The following NAALADL2 variants were observed in gnomAD, a reference collection of about 807,000 sequenced individuals.
NAALADL2 encodes N-acetylated alpha-linked acidic dipeptidase like 2, also known as inactive N-acetylated-alpha-linked acidic dipeptidase-like protein 2.
NAALADL2 carries 76 observed loss-of-function variants against 87.2 expected under a neutral mutation model. The observed-to-expected ratio is 0.87, with a 90% confidence interval of 0.72 to 1.05. The LOEUF is 1.05. NAALADL2 is among the 50% of genes least tolerant of loss of function. The pLI is 0.00. For synonymous variants in NAALADL2, 354 were observed against 331.0 expected (o/e 1.07, Z -0.75); for missense variants, 1,089 against 945.8 (o/e 1.15, Z -1.99).
intron 4 of NAALADL2, among the ~76,000 whole-genome samples, chr3:175,282,358 C>T (rs1183834121): frequency 6.6e-6 from 1 of 152,024 alleles, no homozygotes; most frequent in Non-Finnish European, 1.5e-5. Context: ...CTTTAAAGAA[C>T]ACTTAACAGA....
At chr3:174,711,802 TTTTG>T (rs761144795) in intron 2 of NAALADL2, among the ~76,000 whole-genome samples, 2 of 152,148 alleles carry the variant, frequency 1.3e-5, no homozygotes. Context: ...ACATATGAAT[TTTTG>T]TTTGTTTGTT....
chr3:175,552,371 G>C (rs1714556439), intron 9 of NAALADL2, among the ~76,000 whole-genome samples: 1 of 152,094 alleles, frequency 6.6e-6, no homozygotes, highest in South Asian at 2.1e-4. Context: ...AGAAAATAGA[G>C]TATTAAATTT....
At chr3:175,319,713 G>A (rs1413587137) in intron 4 of NAALADL2, among the ~76,000 whole-genome samples, 2 of 152,128 alleles carry the variant, frequency 1.3e-5, no homozygotes, top group African/African-American at 4.8e-5. Flanking sequence ...CCAGCTACTT[G>A]GGAGACTGAG....
rs1321877357 is a variant in NAALADL2, at chr3:175,013,062, CAT to C, written c.44-83720_44-83719del. 1.1e-3 allele frequency among the ~76,000 whole-genome samples: 11 copies of C among 9,862 alleles called. 1 individual carries two copies. Among genetic ancestry groups the C allele is most frequent in the East Asian group, 2.6e-3 (1 of 386 alleles). 6.5% of individuals were successfully genotyped at this position (9,862 alleles called of 152,430 possible). On this transcript the variant is annotated intron_variant, in intron 1 of 13. Coordinates refer to ENST00000454872, the MANE Select transcript of NAALADL2 (RefSeq NM_207015.3). ...TATAATATATACATAAATATATACA[CAT>C]ATATATAAATATGTAATACATATTT...
At chr3:174,701,845 C>T (rs747503847) in intron 2 of NAALADL2, among the ~76,000 whole-genome samples, 7 of 152,058 alleles carry the variant, frequency 4.6e-5, no homozygotes, top group African/African-American at 7.2e-5. Context: ...ATTCATGTGT[C>T]GGACATTTGG....
intron 1 of NAALADL2, among the ~76,000 whole-genome samples, chr3:174,959,038 T>C: frequency 6.6e-6 from 1 of 152,116 alleles, no homozygotes; most frequent in East Asian, 1.9e-4. Context: ...TGGAGAAGTC[T>C]AATTCAGGAA....
intron 13 of NAALADL2, among the ~76,000 whole-genome samples, chr3:175,770,985 C>CT (rs1330719844): frequency 3.3e-5 from 5 of 152,126 alleles, no homozygotes; most frequent in African/African-American, 1.2e-4. Flanking sequence ...ATAATGCCAT[C>CT]TTTTTTCCTG....
At chr3:175,133,406 C>T (rs1343327229) in intron 2 of NAALADL2, among the ~76,000 whole-genome samples, 1 of 152,176 alleles carries the variant, frequency 6.6e-6, no homozygotes. Flanking sequence ...GCCGATATCA[C>T]GCCACTGCAC....
intron 11 of NAALADL2, among the ~76,000 whole-genome samples, chr3:175,696,907 G>A (rs929974996): frequency 2.0e-5 from 3 of 151,968 alleles, no homozygotes; most frequent in African/African-American, 7.2e-5. Flanking sequence ...CTCTTATTAG[G>A]AGCCAACTCC....
chr3:174,885,592 T>A (rs1354530826), intron 1 of NAALADL2, among the ~76,000 whole-genome samples: 1 of 152,156 alleles, frequency 6.6e-6, no homozygotes, highest in East Asian at 1.9e-4. Flanking sequence ...TACTCCATAC[T>A]ATTAGAAGTA....
chr3:175,763,907 A>C (rs1198126790), intron 13 of NAALADL2, among the ~76,000 whole-genome samples: 2 of 152,002 alleles, frequency 1.3e-5, no homozygotes, highest in African/African-American at 4.8e-5. Context: ...AAGGATAGGA[A>C]ATTTGGTGTG....
chr3:175,115,239 T>G (rs553255600), intron 2 of NAALADL2: 2 of 151,630 alleles, frequency 1.3e-5, no homozygotes, highest in South Asian at 4.1e-4. Flanking sequence ...TTGTCTGTCA[T>G]AGGCCCAGCA....
chr3:175,591,351 C>T (rs892234010), intron 10 of NAALADL2, among the ~76,000 whole-genome samples: 4 of 152,000 alleles, frequency 2.6e-5, no homozygotes, highest in African/African-American at 9.7e-5. Flanking sequence ...TAGAAGTTTC[C>T]TAAAAGCATT....
At chr3:174,943,901 C>A (rs1051185008) in intron 1 of NAALADL2, among the ~76,000 whole-genome samples, 3 of 152,128 alleles carry the variant, frequency 2.0e-5, no homozygotes, top group African/African-American at 7.2e-5. Flanking sequence ...TTTCAGTTGC[C>A]CCTGGAGGCT....
intron 1 of NAALADL2, among the ~76,000 whole-genome samples, chr3:174,471,605 C>T (rs1444054800): frequency 1.7e-4 from 26 of 151,766 alleles, no homozygotes; most frequent in Admixed American, 1.7e-3. Flanking sequence ...AATTGGTATG[C>T]ATAGTGGTTA....
chr3:174,990,502 TA>T (rs937883861), intron 1 of NAALADL2, among the ~76,000 whole-genome samples: 4 of 152,104 alleles, frequency 2.6e-5, no homozygotes, highest in African/African-American at 9.7e-5. Flanking sequence ...AGAAGTTCTA[TA>T]AAACAAATTG....
chr3:174,524,800 A>G (rs1462945834), intron 1 of NAALADL2, among the ~76,000 whole-genome samples: 3 of 152,092 alleles, frequency 2.0e-5, no homozygotes, highest in Non-Finnish European at 1.5e-5. Flanking sequence ...TCAGCCTCCC[A>G]AAGTCCTGGG....
chr3:174,552,667 A>C (rs1038453443), intron 2 of NAALADL2, among the ~76,000 whole-genome samples: 5 of 151,804 alleles, frequency 3.3e-5, no homozygotes, highest in Non-Finnish European at 5.9e-5. Context: ...GTGGTGGCAC[A>C]GGCCTGTAGT....
intron 2 of NAALADL2, among the ~76,000 whole-genome samples, chr3:174,629,378 A>G (rs546495596): frequency 6.6e-6 from 1 of 152,342 alleles, no homozygotes; most frequent in Admixed American, 6.5e-5. Context: ...AGAATAGAGA[A>G]AAATAAATAG....
Sources: allele counts gnomAD v4.1 joint callset (sites outside exome capture counted in the v4.1 genomes callset), GRCh38; gene constraint gnomAD v4.1.1; transcripts MANE v1.5; gene names NCBI Gene and HGNC (gene_info 2026-07-23, HGNC 2026-07-21).